ZNF385B: variants seen among roughly 807,000 people sequenced by gnomAD.
The protein encoded by ZNF385B is zinc finger protein 533.
Under a neutral mutation model 39.2 loss-of-function variants are expected in ZNF385B, and 23 were observed. The observed-to-expected ratio is 0.59, with a 90% CI of 0.42 to 0.83. ZNF385B has a LOEUF of 0.83. ZNF385B is among the 40% of genes least tolerant of loss of function. The pLI, the probability that ZNF385B is intolerant of heterozygous loss-of-function variation, is 0.00. For synonymous variants in ZNF385B, 205 were observed against 222.6 expected, an observed-to-expected ratio of 0.92 and a Z score of 0.70; for missense variants, 552 against 598.9, an observed-to-expected ratio of 0.92 and a Z score of 0.82.
chr2:179,680,463 T>C (rs1406230397), intron 3 of ZNF385B, among the ~76,000 whole-genome samples: 1 of 152,140 alleles, frequency 6.6e-6, no homozygotes, highest in African/African-American at 2.4e-5. Flanking sequence ...GGATAGTAGT[T>C]ATCTTTGGAA....
At chr2:179,605,240 G>C (rs1688708753) in intron 3 of ZNF385B, among the ~76,000 whole-genome samples, 1 of 151,900 alleles carries the variant, frequency 6.6e-6, no homozygotes, top group African/African-American at 2.4e-5. Flanking sequence ...CTAGAAACAT[G>C]ATTTTTTTTT....
intron 3 of ZNF385B, among the ~76,000 whole-genome samples, chr2:179,738,018 C>T (rs188756612): frequency 3.9e-4 from 59 of 152,320 alleles, no homozygotes; most frequent in African/African-American, 1.2e-3. Context: ...AGAAGATCAT[C>T]TACTTTAATG....
intron 3 of ZNF385B, among the ~76,000 whole-genome samples, chr2:179,748,834 A>G (rs1702519848): frequency 6.6e-6 from 1 of 152,116 alleles, no homozygotes; most frequent in African/African-American, 2.4e-5. Context: ...TTTTGGGTCA[A>G]TAGAACATCC....
chr2:179,621,330 A>G (rs1056580579), intron 3 of ZNF385B, among the ~76,000 whole-genome samples: 6 of 152,174 alleles, frequency 3.9e-5, no homozygotes, highest in African/African-American at 1.4e-4. Flanking sequence ...GGTCTTTATA[A>G]ATTTTACATA....
At chr2:179,706,458 A>G (rs192488241) in intron 3 of ZNF385B, among the ~76,000 whole-genome samples, 42 of 152,308 alleles carry the variant, frequency 2.8e-4, no homozygotes, top group African/African-American at 9.9e-4. Flanking sequence ...GGCATCAAAG[A>G]AAATCCTATG....
intron 6 of ZNF385B, among the ~76,000 whole-genome samples, chr2:179,450,093 A>T (rs2049941477): frequency 6.6e-6 from 1 of 151,946 alleles, no homozygotes; most frequent in Non-Finnish European, 1.5e-5. Context: ...CCTTATACAA[A>T]AATTAATTCA....
In ZNF385B at chr2:179,713,017, C is replaced by T. The variant is rs1700102715; in HGVS notation, c.298+56486G>A. ...CACAGCATCCAGTCAACCACGTGAT[C>T]AGGAGGGTAAACAACCCACACTCCA... is the stretch of plus-strand genomic sequence containing the variant. On this transcript the variant is annotated intron_variant, in intron 3 of 9. Coordinates refer to ENST00000410066, the MANE Select transcript of ZNF385B (RefSeq NM_152520.6). Among the ~76,000 whole-genome samples the T allele has an allele frequency of 5.9e-5, 9 of 152,128 alleles. No individual in the cohort carries two copies. In the South Asian group the frequency reaches 1.9e-3, roughly 32 times the overall value.
chr2:179,663,469 G>C (rs1173372855), intron 3 of ZNF385B, among the ~76,000 whole-genome samples: 1 of 152,116 alleles, frequency 6.6e-6, no homozygotes, highest in African/African-American at 2.4e-5. Context: ...CCAGCACTTT[G>C]GGAGGCCGAG....
chr2:179,674,929 T>A (rs1000340495), intron 3 of ZNF385B, among the ~76,000 whole-genome samples: 1 of 152,118 alleles, frequency 6.6e-6, no homozygotes, highest in Non-Finnish European at 1.5e-5. Flanking sequence ...CATGCAAAAC[T>A]CACTGTAGGA....
chr2:179,710,010 TGGAGG>T (rs1424289421), intron 3 of ZNF385B, among the ~76,000 whole-genome samples: 1 of 152,140 alleles, frequency 6.6e-6, no homozygotes, highest in African/African-American at 2.4e-5. Context: ...CAGGAATGGA[TGGAGG>T]CCCTGGATAT....
At chr2:179,452,473 T>C (rs949533562) in intron 6 of ZNF385B, among the ~76,000 whole-genome samples, 1 of 152,014 alleles carries the variant, frequency 6.6e-6, no homozygotes, top group African/African-American at 2.4e-5. Flanking sequence ...TCTTGGCATA[T>C]GGAAGAGTCA....
chr2:179,749,205 C>T lies in ZNF385B; in HGVS notation c.298+20298G>A, dbSNP rs1036225664. ...AAAAAAAAGCTCCCTATACCTTTCA[C>T]ATCAAGTCCATTAAATAATAGATAA... On this transcript the variant is annotated intron_variant, in intron 3 of 9. Coordinates refer to ENST00000410066, the MANE Select transcript of ZNF385B (RefSeq NM_152520.6). Among the ~76,000 whole-genome samples, 3 of 151,982 alleles carry T rather than the reference C, an allele frequency of 2.0e-5. No individual in the cohort carries two copies. In the South Asian group the frequency reaches 6.2e-4, roughly 32 times the overall value.
At chr2:179,579,614 A>C (rs1450551632) in intron 3 of ZNF385B, among the ~76,000 whole-genome samples, 1 of 152,152 alleles carries the variant, frequency 6.6e-6, no homozygotes, top group Non-Finnish European at 1.5e-5. Flanking sequence ...CCATATCATA[A>C]ATTTTATAAC....
chr2:179,582,198 T>C (rs550294129), intron 3 of ZNF385B, among the ~76,000 whole-genome samples: 3 of 152,310 alleles, frequency 2.0e-5, no homozygotes, highest in Admixed American at 6.5e-5. Context: ...AAGACTAATT[T>C]ATAGAAAATT....
chr2:179,491,393 C>A (rs1010011491), intron 5 of ZNF385B, among the ~76,000 whole-genome samples: 2 of 152,086 alleles, frequency 1.3e-5, no homozygotes, highest in African/African-American at 2.4e-5. Context: ...TTAAGGGAGG[C>A]CACATGAAGT....
chr2:179,726,256 A>G lies in ZNF385B; in HGVS notation c.298+43247T>C, dbSNP rs571964627. Among the ~76,000 whole-genome samples the G allele has an allele frequency of 2.0e-4, 31 of 152,162 alleles. 1 individual carries two copies. The South Asian group carries it at 6.2e-3, about 31-fold the overall frequency. On this transcript the variant is annotated intron_variant, in intron 3 of 9. Coordinates refer to ENST00000410066, the MANE Select transcript of ZNF385B (RefSeq NM_152520.6). ...GATTTATTGCCCTAACAAACCAGTTACCATTATTTGAGGGCTTCATGCCTC... is the reference window on the plus strand; with the variant it reads ...GATTTATTGCCCTAACAAACCAGTTGCCATTATTTGAGGGCTTCATGCCTC...
At position 179,638,382 on chromosome 2, in the gene ZNF385B, A is replaced by G. The variant is rs553316965; in HGVS notation, c.299-93413T>C. ...TCTAAGGACAAAAAGAATTTTAAGA[A>G]TTTTCGAATCTGGCTCAGTAAGTTT... On this transcript the variant is annotated intron_variant, in intron 3 of 9. Transcript: ENST00000410066. Among the ~76,000 whole-genome samples the G allele has an allele frequency of 7.2e-5, 11 of 152,334 alleles. No homozygotes were observed. The South Asian group carries it at 2.3e-3, about 32-fold the overall frequency.
Position 179,779,176 on chromosome 2 carries a change from C to A in ZNF385B, c.-154-8504G>T, listed in dbSNP as rs78481387. Among the ~76,000 whole-genome samples, 146 of 152,314 alleles carry A rather than the reference C, an allele frequency of 9.6e-4. No individual in the cohort carries two copies. The East Asian group carries it at 0.022, about 23-fold the overall frequency. Reference sequence around the variant, plus strand: ...AAACACAGTGCTGTAACAGGGGTTGCCTTGGTCAGGGCAGTCAGACAAGAT... The same window carrying A: ...AAACACAGTGCTGTAACAGGGGTTGACTTGGTCAGGGCAGTCAGACAAGAT... On this transcript the variant is annotated intron_variant, in intron 1 of 9. Coordinates refer to ENST00000410066, the MANE Select transcript of ZNF385B (RefSeq NM_152520.6).
At chr2:179,718,848 A>G (rs575331589) in intron 3 of ZNF385B, among the ~76,000 whole-genome samples, 1 of 151,306 alleles carries the variant, frequency 6.6e-6, no homozygotes, top group Non-Finnish European at 1.5e-5. Flanking sequence ...AAAACCCAAA[A>G]GCCAAATTTC....
Sources: gnomAD v4.1 joint callset for allele counts (sites outside exome capture counted in the v4.1 genomes callset) on GRCh38, gnomAD v4.1.1 for gene constraint, MANE v1.5 for transcripts, NCBI Gene and HGNC (gene_info 2026-07-23, HGNC 2026-07-21) for gene names.